The following LRRC38 variants were observed in gnomAD, a reference collection of about 807,000 sequenced individuals.
LRRC38 encodes the protein leucine-rich repeat-containing protein 38.
Under a neutral mutation model 16.4 loss-of-function variants are expected in LRRC38, and 5 were observed. That is an observed-to-expected ratio of 0.31 (90% CI 0.16 to 0.64). The LOEUF (loss-of-function observed/expected upper bound fraction) is 0.64. LRRC38 is among the 30% of genes least tolerant of loss of function. The pLI, the probability that LRRC38 is intolerant of heterozygous loss-of-function variation, is 0.80. For synonymous variants in LRRC38, 191 were observed against 190.2 expected (o/e 1.00, Z -0.04); for missense variants, 341 against 401.8 (o/e 0.85, Z 1.29).
intron 1 of LRRC38, among the ~76,000 whole-genome samples, chr1:13,497,084 A>T (rs1639089242): frequency 6.6e-6 from 1 of 152,168 alleles, no homozygotes; most frequent in African/African-American, 2.4e-5. Context: ...GGAGAAGAGC[A>T]AGAAATTCGG....
intron 1 of LRRC38, among the ~76,000 whole-genome samples, chr1:13,484,304 T>A (rs534996430): frequency 3.3e-5 from 5 of 151,950 alleles, no homozygotes; most frequent in African/African-American, 1.2e-4. Context: ...CCTTCCCTCT[T>A]TGTTTTTCTC....
chr1:13,482,446 G>A (rs1638880825), intron 1 of LRRC38, among the ~76,000 whole-genome samples: 1 of 152,004 alleles, frequency 6.6e-6, no homozygotes, highest in South Asian at 2.1e-4. Context: ...CAGGTGTGGT[G>A]GCGCACGCCT....
At chr1:13,488,710 G>T (rs1638972229) in intron 1 of LRRC38, among the ~76,000 whole-genome samples, 1 of 152,124 alleles carries the variant, frequency 6.6e-6, no homozygotes, top group Non-Finnish European at 1.5e-5. Context: ...GTATATTGTT[G>T]ATTTAGTTTG....
intron 1 of LRRC38, among the ~76,000 whole-genome samples, chr1:13,479,635 G>A (rs1305344685): frequency 1.3e-5 from 2 of 152,216 alleles, no homozygotes; most frequent in African/African-American, 4.8e-5. Flanking sequence ...AGCCCACCAG[G>A]GGCGGGGACT....
chr1:13,513,300 G>A lies in LRRC38; in HGVS notation c.294C>T (p.Gly98=). The A allele has an allele frequency of 6.4e-7, 1 of 1,550,832 alleles. No individual in the cohort carries two copies. Among genetic ancestry groups the A allele is most frequent in the Non-Finnish European group, 8.7e-7 (1 of 1,147,028 alleles). Reference sequence around the variant, plus strand: ...CGAGCTTGGCCGAGCCGCTGAACGTGCCCTCCTCCAGCGAGCGCAGCGAGT... The same window carrying A: ...CGAGCTTGGCCGAGCCGCTGAACGTACCCTCCTCCAGCGAGCGCAGCGAGT... ...RNNSLRSLEE[G]TFSGSAKLVF... Residue 98 remains glycine (G), a synonymous_variant, in exon 1 of 2, where the codon GGC becomes GGT. Transcript: ENST00000376085.
At position 13,487,739 on chromosome 1, in the gene LRRC38, T is replaced by C. The variant is rs936509368; in HGVS notation, c.632-11640A>G. On this transcript the variant is annotated intron_variant, in intron 1 of 1. Coordinates refer to ENST00000376085, the MANE Select transcript of LRRC38 (RefSeq NM_001010847.2). The surrounding 1 kb of genome is among the most constrained non-coding windows in gnomAD (Gnocchi z 4.4). ...AAATAGACAGTGACACAGCGGATGT[T>C]AGATTGAGATTAATCTCTTGCACCG... 2.3e-4 allele frequency among the ~76,000 whole-genome samples: 35 copies of C among 152,284 alleles called. No homozygotes were observed. Among genetic ancestry groups the C allele is most frequent in the African/African-American group, 8.4e-4 (35 of 41,560 alleles).
At chr1:13,502,394 C>T (rs998244857) in intron 1 of LRRC38, among the ~76,000 whole-genome samples, 2 of 152,180 alleles carry the variant, frequency 1.3e-5, no homozygotes, top group African/African-American at 4.8e-5. Context: ...TACCTGCCCC[C>T]ACTTGCTTCC....
intron 1 of LRRC38, among the ~76,000 whole-genome samples, chr1:13,512,205 CCTT>C (rs1384604979): frequency 6.6e-6 from 1 of 152,150 alleles, no homozygotes; most frequent in Admixed American, 6.5e-5. Context: ...GGGGTCCCCT[CCTT>C]CTCAGCTCCA....
Position 13,476,116 on chromosome 1 carries a change from AGAG to A in LRRC38, c.632-20_632-18del, listed in dbSNP as rs1480703704. The A allele has an allele frequency of 1.9e-6, 3 of 1,549,360 alleles. No individual in the cohort carries two copies. The South Asian group carries it at 3.6e-5, about 18-fold the overall frequency. On this transcript the variant is annotated intron_variant, in intron 1 of 1. Coordinates refer to ENST00000376085, the MANE Select transcript of LRRC38 (RefSeq NM_001010847.2). ...CATCAAGGCCTGAGAAAAGGCAGGC[AGAG>A]GAGAGAGAGATTTAGACTGCAGCTC...
At chr1:13,493,669 C>T (rs995995883) in intron 1 of LRRC38, among the ~76,000 whole-genome samples, 4 of 152,104 alleles carry the variant, frequency 2.6e-5, no homozygotes, top group South Asian at 2.1e-4. Flanking sequence ...AGAGATATGC[C>T]GATGCAGAGA....
chr1:13,512,104 G>A (rs1639280323), intron 1 of LRRC38, among the ~76,000 whole-genome samples: 2 of 152,116 alleles, frequency 1.3e-5, no homozygotes, highest in Non-Finnish European at 2.9e-5. Context: ...GTGCTCACAG[G>A]GTCACAAGTG....
chr1:13,487,764 G>A lies in LRRC38; in HGVS notation c.632-11665C>T, dbSNP rs1052097317. ...TAGATTGAGATTAATCTCTTGCACC[G>A]GACCGGCCCCTTGCCAACAAACAGG... On this transcript the variant is annotated intron_variant, in intron 1 of 1. Transcript: ENST00000376085. The surrounding 1 kb of genome is among the most constrained non-coding windows in gnomAD (Gnocchi z 4.4). 3.3e-5 allele frequency among the ~76,000 whole-genome samples: 5 copies of A among 152,122 alleles called. No homozygotes were observed. Among genetic ancestry groups the A allele is most frequent in the Non-Finnish European group, 4.4e-5 (3 of 68,028 alleles).
At chr1:13,490,359 A>AT (rs1553135435) in intron 1 of LRRC38, among the ~76,000 whole-genome samples, 1 of 152,008 alleles carries the variant, frequency 6.6e-6, no homozygotes, top group Non-Finnish European at 1.5e-5. Flanking sequence ...GGGTTTCACC[A>AT]TGTTAGCCAG....
intron 1 of LRRC38, among the ~76,000 whole-genome samples, chr1:13,484,135 C>A (rs544517976): frequency 6.6e-6 from 1 of 152,112 alleles, no homozygotes; most frequent in African/African-American, 2.4e-5. Flanking sequence ...GTTCCTCAAA[C>A]GCCCCGCGCA....
rs1638957181 is a variant in LRRC38 at position 13,487,974 on chromosome 1, A to G, written c.632-11875T>C. On this transcript the variant is annotated intron_variant, in intron 1 of 1. Coordinates refer to ENST00000376085, the MANE Select transcript of LRRC38 (RefSeq NM_001010847.2). The surrounding 1 kb of genome is among the most constrained non-coding windows in gnomAD (Gnocchi z 4.4). The stretch of plus-strand genomic sequence containing the variant: ...GAGACAATAAAAATAATCAAAAACA[A>G]GGGAGAATTAAAAAAAAAGTTAACA... Among the ~76,000 whole-genome samples, 1 of 152,018 alleles carries G rather than the reference A, an allele frequency of 6.6e-6. No individual in the cohort carries two copies. The highest frequency in any genetic ancestry group is 1.5e-5 in the Non-Finnish European group (1 of 67,988).
chr1:13,490,483 A>G (rs1027196050), intron 1 of LRRC38, among the ~76,000 whole-genome samples: 4 of 152,158 alleles, frequency 2.6e-5, no homozygotes, highest in African/African-American at 7.2e-5. Context: ...ACTCTTGGGA[A>G]AAAAGCATGA....
chr1:13,489,811 C>T (rs1405032349), intron 1 of LRRC38, among the ~76,000 whole-genome samples: 1 of 152,116 alleles, frequency 6.6e-6, no homozygotes, highest in Non-Finnish European at 1.5e-5. Flanking sequence ...CCCAATTAAA[C>T]TCCCGTCTCG....
intron 1 of LRRC38, among the ~76,000 whole-genome samples, chr1:13,481,731 CCCAATCTG>C (rs1557495162): frequency 2.0e-5 from 3 of 151,000 alleles, no homozygotes; most frequent in Middle Eastern, 6.9e-3. Context: ...AGAGAGCTCT[CCCAATCTG>C]TCTCTGCCTC....
chr1:13,480,942 G>A (rs747177739), intron 1 of LRRC38, among the ~76,000 whole-genome samples: 4 of 152,178 alleles, frequency 2.6e-5, no homozygotes, highest in Non-Finnish European at 5.9e-5. Context: ...AAAGGCGTGA[G>A]CCACCAGGCC....
Sources: gnomAD v4.1 joint callset for allele counts (sites outside exome capture counted in the v4.1 genomes callset) on GRCh38, gnomAD v4.1.1 for gene constraint, Gnocchi (gnomAD v3.1) non-coding constraint, MANE v1.5 for transcripts, NCBI Gene and HGNC (gene_info 2026-07-23, HGNC 2026-07-21) for gene names.